Variants in BCHE observed in about 807,000 individuals in gnomAD.
The protein encoded by BCHE is butyrylcholinesterase.
Under a neutral mutation model 51.3 loss-of-function variants are expected in BCHE, and 48 were observed. The ratio of observed to expected loss-of-function variants is 0.94; its 90% confidence interval spans 0.74 to 1.19. BCHE has a LOEUF of 1.19. Among genes scored for constraint, BCHE ranks in the 50% most tolerant of loss-of-function variants. BCHE has a pLI of 0.00. For synonymous variants in BCHE, 251 were observed against 238.0 expected, an observed-to-expected ratio of 1.05 and a Z score of -0.50; for missense variants, 847 against 708.2, an observed-to-expected ratio of 1.20 and a Z score of -2.23.
chr3:165,792,795 A>G (rs1713219694), intron 2 of BCHE, among the ~76,000 whole-genome samples: 1 of 152,180 alleles, frequency 6.6e-6, no homozygotes, highest in Non-Finnish European at 1.5e-5. Context: ...TCAATTCTGT[A>G]TGTATGTGTA....
At chr3:165,800,124 T>C (rs1713582241) in intron 2 of BCHE, among the ~76,000 whole-genome samples, 1 of 152,146 alleles carries the variant, frequency 6.6e-6, no homozygotes, top group Admixed American at 6.6e-5. Context: ...AAATTTTTTT[T>C]CTGTTACTTG....
intron 1 of BCHE, among the ~76,000 whole-genome samples, chr3:165,833,841 G>C (rs571833412): frequency 6.6e-6 from 1 of 152,164 alleles, no homozygotes; most frequent in African/African-American, 2.4e-5. Context: ...TGAATAAGGT[G>C]CAAAGCTGAT....
At chr3:165,789,228 G>A (rs1469711476) in intron 2 of BCHE, among the ~76,000 whole-genome samples, 1 of 151,850 alleles carries the variant, frequency 6.6e-6, no homozygotes, top group Non-Finnish European at 1.5e-5. Context: ...ATGCTCTACA[G>A]ATCACCCATT....
In BCHE at chr3:165,805,597, T is replaced by C. The variant is rs529739275; in HGVS notation, c.1518-19286A>G. Among the ~76,000 whole-genome samples the C allele has an allele frequency of 2.0e-5, 3 of 152,322 alleles. No homozygotes were observed. In the South Asian group the frequency reaches 6.2e-4, roughly 32 times the overall value. ...GCAGATGGAAAGACATGTCTCTTCA[T>C]ATGATTCTGTAAGATCTGAGATACA... On this transcript the variant is annotated intron_variant, in intron 2 of 3. Coordinates refer to ENST00000264381, the MANE Select transcript of BCHE (RefSeq NM_000055.4).
chr3:165,802,520 T>A (rs1713694247), intron 2 of BCHE, among the ~76,000 whole-genome samples: 1 of 152,068 alleles, frequency 6.6e-6, no homozygotes, highest in Non-Finnish European at 1.5e-5. Flanking sequence ...AGATTAGGCT[T>A]GTAGTTCTGA....
In BCHE at chr3:165,786,244, G is replaced by C. The variant is rs1712945812; in HGVS notation, c.1585C>G (p.Leu529Val). 23 of 1,612,140 alleles carry C rather than the reference G, an allele frequency of 1.4e-5. No individual in the cohort carries two copies. Among genetic ancestry groups the C allele is most frequent in the Non-Finnish European group, 2.0e-5 (23 of 1,178,644 alleles). The change falls in exon 3 of 4, where the codon CTA becomes GTA. Residue 529 changes from leucine to valine, a missense_variant. Coordinates refer to ENST00000264381, the MANE Select transcript of BCHE (RefSeq NM_000055.4). ...CTTGTTGACTCTGTATTCAAGGTTA[G>C]ATATTTTTGTTCAGTGCTTTTGAAG... The part of the protein sequence containing the change: ...PVFKSTEQKY[L>V]TLNTESTRIM...
intron 2 of BCHE, among the ~76,000 whole-genome samples, chr3:165,798,653 A>G (rs569015188): frequency 6.6e-5 from 10 of 152,290 alleles, no homozygotes; most frequent in African/African-American, 1.9e-4. Context: ...GTACCTCAAC[A>G]TTAACATTAA....
In BCHE at chr3:165,794,236, G is replaced by A. The variant is rs188415905; in HGVS notation, c.1518-7925C>T. On this transcript the variant is annotated intron_variant, in intron 2 of 3. Transcript: ENST00000264381. ...GCTCCATTTTAATCCACAAGGCAAT[G>A]TCCTAGGTAATTTGTTAGTTTTATA... Among the ~76,000 whole-genome samples the A allele has an allele frequency of 9.9e-5, 15 of 152,220 alleles. No individual in the cohort carries two copies. In the East Asian group the frequency reaches 2.3e-3, roughly 23 times the overall value.
At chr3:165,793,341 C>CT (rs1321157174) in intron 2 of BCHE, among the ~76,000 whole-genome samples, 1 of 152,228 alleles carries the variant, frequency 6.6e-6, no homozygotes, top group Non-Finnish European at 1.5e-5. Flanking sequence ...CCTACCATCT[C>CT]TTCAGACAGA....
chr3:165,806,867 T>C (rs1210671058), intron 2 of BCHE, among the ~76,000 whole-genome samples: 1 of 152,044 alleles, frequency 6.6e-6, no homozygotes, highest in Non-Finnish European at 1.5e-5. Flanking sequence ...AACTCAGTTA[T>C]TAAATTAGAG....
chr3:165,797,018 C>G (rs1297368975), intron 2 of BCHE, among the ~76,000 whole-genome samples: 1 of 151,986 alleles, frequency 6.6e-6, no homozygotes, highest in Non-Finnish European at 1.5e-5. Flanking sequence ...AGAGGAGATA[C>G]GAGGCAATGT....
chr3:165,829,779 C>A lies in BCHE; in HGVS notation c.1255G>T (p.Asp419Tyr). ...ATGAAATTATAATCCCCAACAACAT[C>A]ACCCAAGGCCTCACGGTAGTTTTCA... Reference protein sequence around the residue: ...RPENYREALGDVVGDYNFICP... With the variant: ...RPENYREALGYVVGDYNFICP... The change falls in exon 2 of 4, where the codon GAT (aspartate) becomes TAT (tyrosine). Residue 419 changes from aspartate (D) to tyrosine (Y), a missense_variant. Asp to Tyr is a radical substitution (Grantham distance 160, BLOSUM62 -3). Transcript: ENST00000264381. 1 of 1,613,918 alleles carries A rather than the reference C, an allele frequency of 6.2e-7. No homozygotes were observed.
chr3:165,774,354 G>A (rs1473772865), intron 3 of BCHE, among the ~76,000 whole-genome samples: 1 of 150,720 alleles, frequency 6.6e-6, no homozygotes, highest in East Asian at 1.9e-4. Context: ...TTTTTTTTGA[G>A]ACAGAGTTCA....
intron 2 of BCHE, among the ~76,000 whole-genome samples, chr3:165,819,835 T>C (rs187884333): frequency 3.2e-4 from 49 of 152,288 alleles, no homozygotes; most frequent in Non-Finnish European, 5.0e-4. Flanking sequence ...TTACTATGTT[T>C]TGTTACTTTG....
At chr3:165,833,354 A>G (rs1177470466) in intron 1 of BCHE, among the ~76,000 whole-genome samples, 2 of 152,154 alleles carry the variant, frequency 1.3e-5, no homozygotes, top group Non-Finnish European at 2.9e-5. Flanking sequence ...AAGTGTACTC[A>G]CGCAAACTTA....
At chr3:165,801,598 A>T (rs1713651718) in intron 2 of BCHE, among the ~76,000 whole-genome samples, 1 of 152,280 alleles carries the variant, frequency 6.6e-6, no homozygotes, top group East Asian at 1.9e-4. Context: ...TAAAAAAAGT[A>T]TTTTTGGATG....
At chr3:165,826,383 C>T (rs1032724340) in intron 2 of BCHE, among the ~76,000 whole-genome samples, 2 of 151,940 alleles carry the variant, frequency 1.3e-5, no homozygotes, top group South Asian at 2.1e-4. Flanking sequence ...GCAAAAGAAG[C>T]GAGACACAAG....
At chr3:165,781,675 C>T (rs1014702978) in intron 3 of BCHE, among the ~76,000 whole-genome samples, 7 of 152,002 alleles carry the variant, frequency 4.6e-5, no homozygotes, top group Admixed American at 2.0e-4. Context: ...TGTTGATAGG[C>T]TCAACAAGCC....
chr3:165,798,830 AAAAG>A (rs924178347), intron 2 of BCHE, among the ~76,000 whole-genome samples: 2 of 152,116 alleles, frequency 1.3e-5, no homozygotes, highest in Non-Finnish European at 2.9e-5. Flanking sequence ...TCTGAACAAA[AAAAG>A]AAGTAAGCAG....
Sources: gnomAD v4.1 joint callset for allele counts (sites outside exome capture counted in the v4.1 genomes callset) on GRCh38, gnomAD v4.1.1 for gene constraint, MANE v1.5 for transcripts, NCBI Gene and HGNC (gene_info 2026-07-23, HGNC 2026-07-21) for gene names.